Variants in IMMP2L observed in about 807,000 individuals in gnomAD.
IMMP2L encodes the protein mitochondrial inner membrane protease subunit 2.
A neutral mutation model predicts 19.3 loss-of-function variants in IMMP2L; 18 were observed. The ratio of observed to expected loss-of-function variants is 0.93; its 90% confidence interval spans 0.64 to 1.38. IMMP2L has a LOEUF of 1.38. Ranked by LOEUF, IMMP2L falls within the 40% of genes most tolerant of loss-of-function variation. IMMP2L has a pLI of 0.00. For missense variants in IMMP2L, 233 were observed against 218.2 expected, an observed-to-expected ratio of 1.07 and a Z score of -0.43; for synonymous variants, 76 against 73.0, an observed-to-expected ratio of 1.04 and a Z score of -0.21.
chr7:111,192,309 T>C (rs188256785), intron 3 of IMMP2L, among the ~76,000 whole-genome samples: 1 of 152,252 alleles, frequency 6.6e-6, no homozygotes, highest in Non-Finnish European at 1.5e-5. Flanking sequence ...CACCATGATA[T>C]AAGTATAAGG....
rs116002670 is a variant in IMMP2L, at chr7:111,377,168, C to T, written c.239+110070G>A. ...TATTGGATTTTCCCCCTAGAAGTAG[C>T]TCCTTATCACCAAGTTGTATAGGTT... On this transcript the variant is annotated intron_variant, in intron 3 of 5. Coordinates refer to ENST00000405709, the MANE Select transcript of IMMP2L (RefSeq NM_032549.4). 4.2e-3 allele frequency among the ~76,000 whole-genome samples: 635 copies of T among 151,870 alleles called. 5 individuals carry two copies. Among genetic ancestry groups the T allele is most frequent in the African/African-American group, 0.015 (610 of 41,454 alleles).
chr7:111,087,071 CCTCATTATTTA>C (rs1343007041), intron 3 of IMMP2L, among the ~76,000 whole-genome samples: 1 of 152,118 alleles, frequency 6.6e-6, no homozygotes, highest in African/African-American at 2.4e-5. Flanking sequence ...CAAATTTTAG[CCTCATTATTTA>C]ATAGTTTTGG....
At chr7:110,818,854 G>T (rs1046466626) in intron 5 of IMMP2L, among the ~76,000 whole-genome samples, 3 of 150,066 alleles carry the variant, frequency 2.0e-5, no homozygotes, top group Non-Finnish European at 4.4e-5. Flanking sequence ...GCAAACTATC[G>T]CAAGGACAAA....
intron 3 of IMMP2L, among the ~76,000 whole-genome samples, chr7:111,052,569 T>C (rs1430477330): frequency 6.6e-6 from 1 of 152,186 alleles, no homozygotes; most frequent in East Asian, 1.9e-4. Flanking sequence ...TACCTTACTG[T>C]ATTGATTTAT....
At chr7:111,212,395 G>T (rs1340694362) in intron 3 of IMMP2L, among the ~76,000 whole-genome samples, 3 of 152,158 alleles carry the variant, frequency 2.0e-5, no homozygotes, top group Admixed American at 1.3e-4. Flanking sequence ...GATTGCTAGA[G>T]TCCAGGAGTT....
chr7:110,726,880 C>T (rs1386251113), intron 5 of IMMP2L, among the ~76,000 whole-genome samples: 4 of 152,138 alleles, frequency 2.6e-5, no homozygotes, highest in African/African-American at 4.8e-5. Context: ...TGTTTCCCTA[C>T]GGACCAGTTG....
chr7:111,402,192 TC>T (rs1833487952), intron 3 of IMMP2L, among the ~76,000 whole-genome samples: 1 of 149,848 alleles, frequency 6.7e-6, no homozygotes, highest in Non-Finnish European at 1.5e-5. Context: ...GAAAAAGCAA[TC>T]CTCCATTCAT....
intron 3 of IMMP2L, among the ~76,000 whole-genome samples, chr7:111,482,171 C>T (rs1345146073): frequency 6.6e-6 from 1 of 152,204 alleles, no homozygotes; most frequent in Non-Finnish European, 1.5e-5. Context: ...TAGGTGCTTG[C>T]TATATTAGAC....
Position 111,128,891 on chromosome 7 carries a change from GA to G in IMMP2L, c.240-165327del, listed in dbSNP as rs138599046. 9.0e-3 allele frequency among the ~76,000 whole-genome samples: 1,372 copies of G among 152,242 alleles called. 31 individuals carry two copies. The highest frequency in any genetic ancestry group is 0.032 in the African/African-American group (1,313 of 41,564). The stretch of plus-strand genomic sequence containing the variant: ...CATAAAACATGGATACCTGTTATGT[GA>G]CCCCTATTTCAAACTCAAAGAGAAA... On this transcript the variant is annotated intron_variant, in intron 3 of 5. Transcript: ENST00000405709.
intron 3 of IMMP2L, among the ~76,000 whole-genome samples, chr7:111,079,481 C>T (rs1214322071): frequency 6.6e-6 from 1 of 152,104 alleles, no homozygotes; most frequent in Admixed American, 6.5e-5. Flanking sequence ...TATTTAAGTT[C>T]ACTATATTTT....
chr7:111,308,155 G>A (rs1823089374), intron 3 of IMMP2L, among the ~76,000 whole-genome samples: 1 of 151,796 alleles, frequency 6.6e-6, no homozygotes, highest in Non-Finnish European at 1.5e-5. Flanking sequence ...AAAAATCCCA[G>A]GCTAAAAAGT....
At chr7:111,385,883 G>T (rs566011849) in intron 3 of IMMP2L, among the ~76,000 whole-genome samples, 2 of 152,072 alleles carry the variant, frequency 1.3e-5, no homozygotes, top group African/African-American at 4.8e-5. Context: ...GTAAGGCGGG[G>T]TGAAGGAATA....
At chr7:111,017,546 C>T (rs1344538479) in intron 3 of IMMP2L, among the ~76,000 whole-genome samples, 1 of 152,146 alleles carries the variant, frequency 6.6e-6, no homozygotes, top group Non-Finnish European at 1.5e-5. Context: ...TTAGATACCC[C>T]ACTCCCAGAT....
At chr7:111,085,609 T>G (rs1796246823) in intron 3 of IMMP2L, among the ~76,000 whole-genome samples, 1 of 152,212 alleles carries the variant, frequency 6.6e-6, no homozygotes, top group Admixed American at 6.5e-5. Flanking sequence ...CACATGATTG[T>G]TGGCTGCACA....
intron 2 of IMMP2L, among the ~76,000 whole-genome samples, chr7:111,489,329 C>G (rs556697723): frequency 6.6e-6 from 1 of 152,206 alleles, no homozygotes; most frequent in African/African-American, 2.4e-5. Flanking sequence ...AGGCGTGAGC[C>G]ACCGCGCCTG....
intron 4 of IMMP2L, among the ~76,000 whole-genome samples, chr7:110,912,577 C>T (rs1813169346): frequency 6.6e-6 from 1 of 151,406 alleles, no homozygotes; most frequent in African/African-American, 2.4e-5. Context: ...TAGAAGGAGA[C>T]ACATTTAAAG....
chr7:111,428,500 A>T (rs1322472778), intron 3 of IMMP2L, among the ~76,000 whole-genome samples: 1 of 151,814 alleles, frequency 6.6e-6, no homozygotes, highest in Non-Finnish European at 1.5e-5. Flanking sequence ...TCAAAAGAAG[A>T]GAAACTTTTT....
chr7:110,987,506 C>T (rs1259396446), intron 3 of IMMP2L, among the ~76,000 whole-genome samples: 1 of 152,132 alleles, frequency 6.6e-6, no homozygotes, highest in African/African-American at 2.4e-5. Context: ...TAGCATTTCC[C>T]AAACTGCGTT....
At chr7:110,797,058 C>A (rs1800910497) in intron 5 of IMMP2L, among the ~76,000 whole-genome samples, 1 of 151,924 alleles carries the variant, frequency 6.6e-6, no homozygotes, top group Non-Finnish European at 1.5e-5. Flanking sequence ...TATGAGTAAA[C>A]AACTCCTATG....
Sources: allele counts gnomAD v4.1 joint callset (sites outside exome capture counted in the v4.1 genomes callset), GRCh38; gene constraint gnomAD v4.1.1; transcripts MANE v1.5; gene names NCBI Gene and HGNC (gene_info 2026-07-23, HGNC 2026-07-21).